TBC1D5: variants seen among roughly 807,000 people sequenced by gnomAD.
TBC1D5 encodes TBC1 domain family member 5.
TBC1D5 carries 75 observed loss-of-function variants against 100.3 expected under a neutral mutation model. The observed-to-expected ratio is 0.75, with a 90% confidence interval of 0.62 to 0.91. TBC1D5 has a LOEUF of 0.91. Among genes scored for constraint, TBC1D5 ranks in the 40% least tolerant of loss-of-function variants. The probability of loss-of-function intolerance (pLI) is 0.00; values close to 1 mark genes in which losing one functional copy is unlikely to be tolerated. For synonymous variants in TBC1D5, 323 were observed against 325.6 expected, an observed-to-expected ratio of 0.99 and a Z score of 0.09; for missense variants, 910 against 942.4, an observed-to-expected ratio of 0.97 and a Z score of 0.45.
intron 13 of TBC1D5, among the ~76,000 whole-genome samples, chr3:17,354,332 CTT>C (rs927005193): frequency 6.6e-6 from 1 of 152,152 alleles, no homozygotes; most frequent in Non-Finnish European, 1.5e-5. Context: ...TTCTGATAGA[CTT>C]TATCACTTTT....
intron 1 of TBC1D5, among the ~76,000 whole-genome samples, chr3:17,726,999 T>C (rs541112788): frequency 3.3e-5 from 5 of 152,284 alleles, no homozygotes; most frequent in South Asian, 4.1e-4. Context: ...GATAGTAAGA[T>C]TCTGAAATTA....
chr3:17,329,181 T>A (rs2086574319), intron 13 of TBC1D5, among the ~76,000 whole-genome samples: 1 of 152,210 alleles, frequency 6.6e-6, no homozygotes, highest in African/African-American at 2.4e-5. Flanking sequence ...ACAACTCACT[T>A]AGGTCCTTTG....
At chr3:17,353,904 A>C (rs1401870244) in intron 13 of TBC1D5, among the ~76,000 whole-genome samples, 2 of 152,098 alleles carry the variant, frequency 1.3e-5, no homozygotes, top group African/African-American at 2.4e-5. Context: ...GTGACTGTTA[A>C]CTTCATGTTG....
At chr3:17,417,242 C>T (rs1399716967) in intron 4 of TBC1D5, among the ~76,000 whole-genome samples, 2 of 151,656 alleles carry the variant, frequency 1.3e-5, no homozygotes, top group East Asian at 3.9e-4. Context: ...GCACAATGTG[C>T]AGGTTAGTTA....
chr3:17,399,777 C>T (rs1388969212), intron 8 of TBC1D5, among the ~76,000 whole-genome samples: 3 of 152,146 alleles, frequency 2.0e-5, no homozygotes, highest in Non-Finnish European at 2.9e-5. Context: ...CTTGCTCTAG[C>T]CGAACTGACT....
rs201769045 is a variant in TBC1D5 at position 17,372,083 on chromosome 3, T to C, written c.987A>G (p.Ile329Met). 130 of 1,518,802 alleles carry C rather than the reference T, an allele frequency of 8.6e-5. No individual in the cohort carries two copies. The highest frequency in any genetic ancestry group is 1.1e-4 in the Non-Finnish European group (122 of 1,108,600). The allele number at this position is 1,518,802 out of a possible 1,614,324, so 94.1% of individuals were successfully genotyped here. ...AGAACTTTAATACTTACAACCCATA[T>C]ATCTGTGGTGCAATTTCTAGTCTGT... Residue 329 changes from isoleucine to methionine, a missense_variant, in exon 13 of 22, where the codon ATA (isoleucine) becomes ATG (methionine). Coordinates refer to ENST00000253692, the Ensembl canonical transcript of TBC1D5.
intron 15 of TBC1D5, among the ~76,000 whole-genome samples, chr3:17,281,418 G>C (rs112006698): frequency 3.9e-5 from 6 of 152,336 alleles, no homozygotes; most frequent in African/African-American, 1.4e-4. Context: ...CCATACTCAT[G>C]TATCAAATGT....
At chr3:17,188,469 G>T (rs377019425) in intron 18 of TBC1D5, among the ~76,000 whole-genome samples, 1 of 152,184 alleles carries the variant, frequency 6.6e-6, no homozygotes, top group Non-Finnish European at 1.5e-5. Context: ...AGCCAAATAT[G>T]TGAGATAAAA....
At chr3:17,157,537 C>A (rs1374397780) in exon 22 of TBC1D5, 1 of 152,130 alleles carries the variant, frequency 6.6e-6, no homozygotes, top group African/African-American at 2.4e-5. Flanking sequence ...CCACAGCCTC[C>A]CCAGTGCCCC....
chr3:17,718,245 G>A (rs1560545394), intron 1 of TBC1D5, among the ~76,000 whole-genome samples: 2 of 152,276 alleles, frequency 1.3e-5, no homozygotes, highest in East Asian at 3.9e-4. Context: ...GGGGATTATT[G>A]TTATGAATGG....
At chr3:17,606,372 C>A (rs969252520) in intron 2 of TBC1D5, among the ~76,000 whole-genome samples, 3 of 152,146 alleles carry the variant, frequency 2.0e-5, no homozygotes, top group African/African-American at 7.2e-5. Context: ...ATTGCTTGAA[C>A]CCAGGAATGC....
chr3:17,354,212 T>C (rs1327722281), intron 13 of TBC1D5, among the ~76,000 whole-genome samples: 3 of 152,100 alleles, frequency 2.0e-5, no homozygotes, highest in Admixed American at 2.0e-4. Context: ...TGTTTACTGC[T>C]AGGGATATCA....
intron 1 of TBC1D5, among the ~76,000 whole-genome samples, chr3:17,704,725 G>C (rs2073769917): frequency 1.8e-5 from 1 of 54,926 alleles, no homozygotes; most frequent in South Asian, 9.7e-4. Flanking sequence ...CCTCCCGGAC[G>C]GGGCGGCTGG....
At chr3:17,505,943 C>T (rs573045095) in intron 3 of TBC1D5, among the ~76,000 whole-genome samples, 2 of 152,186 alleles carry the variant, frequency 1.3e-5, no homozygotes, top group African/African-American at 4.8e-5. Flanking sequence ...GAAAATATCT[C>T]CTAAGACTTT....
chr3:17,366,815 A>G (rs1018601218), intron 13 of TBC1D5, among the ~76,000 whole-genome samples: 5 of 152,164 alleles, frequency 3.3e-5, no homozygotes, highest in Non-Finnish European at 7.4e-5. Context: ...ACAATATACT[A>G]TGACATATTT....
At chr3:17,543,745 G>A (rs1341829611) in intron 2 of TBC1D5, among the ~76,000 whole-genome samples, 1 of 152,054 alleles carries the variant, frequency 6.6e-6, no homozygotes, top group Non-Finnish European at 1.5e-5. Flanking sequence ...ATTCAGTCCC[G>A]TGGTTATCAA....
chr3:17,199,766 C>T (rs1043393752), intron 18 of TBC1D5, among the ~76,000 whole-genome samples: 3 of 152,114 alleles, frequency 2.0e-5, no homozygotes, highest in Admixed American at 6.5e-5. Context: ...GAGGCCAGAG[C>T]GATTACCTGG....
intron 13 of TBC1D5, among the ~76,000 whole-genome samples, chr3:17,333,752 A>G (rs2087229065): frequency 6.6e-6 from 1 of 152,066 alleles, no homozygotes; most frequent in Non-Finnish European, 1.5e-5. Context: ...TTTGGAGAGA[A>G]GTGTTAGATG....
At chr3:17,356,707 AGCAGCAATC>A in intron 13 of TBC1D5, among the ~76,000 whole-genome samples, 1 of 152,200 alleles carries the variant, frequency 6.6e-6, no homozygotes, top group Admixed American at 6.5e-5. Flanking sequence ...GAACAGAGTG[AGCAGCAATC>A]AGAGGCAAAG....
Sources: gnomAD v4.1 joint callset for allele counts (sites outside exome capture counted in the v4.1 genomes callset) on GRCh38, gnomAD v4.1.1 for gene constraint, MANE v1.5 for transcripts, NCBI Gene and HGNC (gene_info 2026-07-23, HGNC 2026-07-21) for gene names.